ITFG1: variants seen among roughly 807,000 people sequenced by gnomAD.
The protein encoded by ITFG1 is T-cell immunomodulatory protein.
Under a neutral mutation model 81.8 loss-of-function variants are expected in ITFG1, and 34 were observed. The ratio of observed to expected loss-of-function variants is 0.42; its 90% CI spans 0.32 to 0.55. The LOEUF (loss-of-function observed/expected upper bound fraction) is 0.55, where lower values mean the gene tolerates loss of function less well. Among genes scored for constraint, ITFG1 ranks in the 20% least tolerant of loss-of-function variants. The pLI is 0.17. For missense variants in ITFG1, 672 were observed against 755.4 expected, an observed-to-expected ratio of 0.89 and a Z score of 1.29; for synonymous variants, 285 against 270.6, an observed-to-expected ratio of 1.05 and a Z score of -0.52.
intron 10 of ITFG1, among the ~76,000 whole-genome samples, chr16:47,267,591 C>T (rs28772732): frequency 0.014 from 2,170 of 152,166 alleles, 58 homozygotes; most frequent in African/African-American, 0.05. Flanking sequence ...CACAACCCAG[C>T]AACACCAGAA....
intron 6 of ITFG1, among the ~76,000 whole-genome samples, chr16:47,419,749 C>A (rs1448678631): frequency 1.3e-5 from 2 of 151,574 alleles, no homozygotes; most frequent in Admixed American, 6.6e-5. Context: ...ATTACAAATG[C>A]CCACAGTCAT....
Position 47,167,625 on chromosome 16 carries a change from C to T in ITFG1, c.1454-4961G>A, listed in dbSNP as rs188252613. On this transcript the variant is annotated intron_variant, in intron 14 of 17. Transcript: ENST00000320640. ...CCTACCCAAAGCTTATAAAACGGCC[C>T]CACCCTTATCTCCCTTTGCTGACTC... Among the ~76,000 whole-genome samples the T allele has an allele frequency of 2.2e-4, 34 of 152,240 alleles. No homozygotes were observed. In the East Asian group the frequency reaches 6.2e-3, roughly 28 times the overall value.
At chr16:47,395,359 T>C (rs1968580986) in intron 6 of ITFG1, among the ~76,000 whole-genome samples, 1 of 152,228 alleles carries the variant, frequency 6.6e-6, no homozygotes, top group South Asian at 2.1e-4. Context: ...AAAATATCAA[T>C]GAGACACCAT....
At chr16:47,342,388 C>T (rs1967795828) in intron 8 of ITFG1, among the ~76,000 whole-genome samples, 1 of 151,950 alleles carries the variant, frequency 6.6e-6, no homozygotes, top group African/African-American at 2.4e-5. Context: ...TATAAAGAAC[C>T]CACAGCTAAT....
chr16:47,191,356 C>T (rs1400879587), intron 14 of ITFG1, among the ~76,000 whole-genome samples: 1 of 151,988 alleles, frequency 6.6e-6, no homozygotes. Context: ...GAATGTGGCC[C>T]AACACAAATT....
intron 13 of ITFG1, among the ~76,000 whole-genome samples, chr16:47,222,874 T>C: frequency 6.6e-6 from 1 of 152,228 alleles, no homozygotes; most frequent in East Asian, 1.9e-4. Context: ...GAAAAATGTA[T>C]ATTCTGTTGA....
chr16:47,447,067 T>C (rs903595521), intron 5 of ITFG1, among the ~76,000 whole-genome samples: 2 of 152,080 alleles, frequency 1.3e-5, no homozygotes, highest in Non-Finnish European at 2.9e-5. Context: ...GGGGTCTCCC[T>C]GTGTTACCCA....
intron 10 of ITFG1, among the ~76,000 whole-genome samples, chr16:47,284,747 G>T (rs1475873112): frequency 6.6e-6 from 1 of 152,124 alleles, no homozygotes; most frequent in African/African-American, 2.4e-5. Flanking sequence ...AAAAATTCAT[G>T]TGCTTGGAAT....
intron 14 of ITFG1, among the ~76,000 whole-genome samples, chr16:47,215,659 A>G (rs1297338966): frequency 6.6e-6 from 1 of 152,204 alleles, no homozygotes; most frequent in Non-Finnish European, 1.5e-5. Context: ...TCCTACACAC[A>G]GACACACTTA....
At chr16:47,359,931 A>G (rs940489275) in intron 8 of ITFG1, among the ~76,000 whole-genome samples, 1 of 152,144 alleles carries the variant, frequency 6.6e-6, no homozygotes, top group Non-Finnish European at 1.5e-5. Flanking sequence ...TCTTCCCTCA[A>G]TAGAATTTAA....
intron 12 of ITFG1, among the ~76,000 whole-genome samples, chr16:47,254,702 TTAA>T (rs1488077750): frequency 1.3e-5 from 2 of 152,200 alleles, no homozygotes; most frequent in Non-Finnish European, 2.9e-5. Flanking sequence ...AATATACAGA[TTAA>T]TATCTCTTGC....
At chr16:47,331,457 C>A (rs1447254437) in intron 8 of ITFG1, among the ~76,000 whole-genome samples, 1 of 152,114 alleles carries the variant, frequency 6.6e-6, no homozygotes, top group Non-Finnish European at 1.5e-5. Flanking sequence ...CAAATCTGCA[C>A]ATGGACCCTC....
At chr16:47,290,183 T>C (rs1264815616) in intron 10 of ITFG1, among the ~76,000 whole-genome samples, 5 of 152,182 alleles carry the variant, frequency 3.3e-5, no homozygotes, top group Admixed American at 2.0e-4. Context: ...TGAGAAAAGA[T>C]ATTTAATATA....
At chr16:47,453,894 A>C (rs1181963274) in intron 3 of ITFG1, 119 bp downstream of exon 3, 15 of 677,838 alleles carry the variant, frequency 2.2e-5, no homozygotes, top group Non-Finnish European at 3.2e-5. Context: ...CTTTGAAAAA[A>C]GGTTTTACAA....
intron 6 of ITFG1, among the ~76,000 whole-genome samples, chr16:47,407,136 T>C (rs1455352023): frequency 6.6e-6 from 1 of 152,110 alleles, no homozygotes; most frequent in Non-Finnish European, 1.5e-5. Context: ...GAAGAGTCAT[T>C]TACATTTATA....
intron 13 of ITFG1, among the ~76,000 whole-genome samples, chr16:47,224,367 C>T (rs1053601598): frequency 2.0e-5 from 3 of 152,146 alleles, no homozygotes; most frequent in African/African-American, 7.2e-5. Flanking sequence ...CTGAAAATCT[C>T]TCACTTATTT....
intron 10 of ITFG1, among the ~76,000 whole-genome samples, chr16:47,292,182 T>C (rs1319646068): frequency 6.6e-6 from 1 of 152,016 alleles, no homozygotes; most frequent in African/African-American, 2.4e-5. Context: ...CCCAGCTAAG[T>C]TTTGTATTTT....
intron 8 of ITFG1, among the ~76,000 whole-genome samples, chr16:47,364,235 C>G (rs191517642): frequency 2.6e-5 from 4 of 152,240 alleles, no homozygotes; most frequent in Admixed American, 2.6e-4. Context: ...CTACCCAAAG[C>G]TATTAAAAAC....
intron 8 of ITFG1, among the ~76,000 whole-genome samples, chr16:47,339,380 A>G (rs540428944): frequency 7.9e-5 from 12 of 152,342 alleles, no homozygotes; most frequent in African/African-American, 2.6e-4. Flanking sequence ...ACTGTTCTCT[A>G]TAATGACTGT....
Sources: allele counts gnomAD v4.1 joint callset (sites outside exome capture counted in the v4.1 genomes callset), GRCh38; gene constraint gnomAD v4.1.1; transcripts MANE v1.5; gene names NCBI Gene and HGNC (gene_info 2026-07-23, HGNC 2026-07-21).